ICE1: variants seen among roughly 807,000 people sequenced by gnomAD.
ICE1 encodes the protein little elongation complex subunit 1.
In ICE1, 64 loss-of-function variants were observed where a neutral mutation model predicts 192.7. The observed-to-expected ratio is 0.33, with a 90% confidence interval of 0.27 to 0.41. The LOEUF (loss-of-function observed/expected upper bound fraction) is 0.41. Among genes scored for constraint, ICE1 ranks in the 10% least tolerant of loss-of-function variants. ICE1 has a pLI of 1.00. For synonymous variants in ICE1, 1,010 were observed against 984.5 expected (o/e 1.03, Z -0.49); for missense variants, 2,708 against 2,696.0 (o/e 1.00, Z -0.10).
chr5:5,477,951 C>T (rs1739366296), intron 17 of ICE1, among the ~76,000 whole-genome samples: 1 of 152,206 alleles, frequency 6.6e-6, no homozygotes, highest in Non-Finnish European at 1.5e-5. Context: ...GCTAAAAACT[C>T]TCAAACTAGG....
chr5:5,458,488 C>T (rs1738651278), intron 12 of ICE1, among the ~76,000 whole-genome samples: 1 of 152,168 alleles, frequency 6.6e-6, no homozygotes, highest in African/African-American at 2.4e-5. Context: ...TAAAGAAAAG[C>T]AGCTCAGTCC....
chr5:5,429,986 A>T (rs928848178), intron 1 of ICE1, among the ~76,000 whole-genome samples: 5 of 152,246 alleles, frequency 3.3e-5, no homozygotes, highest in African/African-American at 1.2e-4. Flanking sequence ...TAGTTATGAG[A>T]GAAAAGAGGA....
rs573425978 is a variant in ICE1, at chr5:5,489,552, A to G, written c.*222A>G. On this transcript the variant is annotated 3_prime_UTR_variant, in exon 19 of 19. Transcript: ENST00000296564. ...ATACGTTTCACTTAAGGCTGTTGTG[A>G]TCTGTGACATATGGGTTATATTATT... 72 of 435,302 alleles carry G rather than the reference A, an allele frequency of 1.7e-4. No homozygotes were observed. The highest frequency in any genetic ancestry group is 2.6e-4 in the Non-Finnish European group (64 of 248,714). 27.0% of individuals were successfully genotyped at this position (435,302 alleles called of 1,614,324 possible). A position where few individuals can be genotyped will look rare whatever the true frequency, so the allele number is the denominator to read the frequency against.
Position 5,464,968 on chromosome 5 carries a change from T to C in ICE1, c.5634T>C (p.Ala1878=), listed in dbSNP as rs763314630. The C allele has an allele frequency of 6.2e-6, 10 of 1,613,756 alleles. No homozygotes were observed. The Admixed American group carries it at 1.7e-4, about 27-fold the overall frequency. ...ACCTCCCAGGGAACCTCCCTCCAGC[T>C]GAAGTTGCAACAACAAATGAGGAAA... ...HKNLPGNLPP[A]EVATTNEERS... is the part of the protein sequence containing the mutation. Residue 1878 remains alanine (A), a synonymous_variant, in exon 13 of 19, where the codon GCT becomes GCC. Coordinates refer to ENST00000296564, the MANE Select transcript of ICE1 (RefSeq NM_015325.3). The surrounding 1 kb of genome is among the most constrained non-coding windows in gnomAD (Gnocchi z 4.0).
intron 7 of ICE1, among the ~76,000 whole-genome samples, chr5:5,445,369 G>A (rs886638215): frequency 6.6e-6 from 1 of 152,050 alleles, no homozygotes; most frequent in Non-Finnish European, 1.5e-5. Context: ...TAAGAATATG[G>A]AGATAAGTGT....
chr5:5,465,716 C>A (rs569997634), intron 13 of ICE1, among the ~76,000 whole-genome samples: 17 of 152,162 alleles, frequency 1.1e-4, no homozygotes, highest in Non-Finnish European at 1.8e-4. Flanking sequence ...GCTTGGATGA[C>A]TTCTAGTGCT....
intron 1 of ICE1, among the ~76,000 whole-genome samples, chr5:5,426,273 C>T (rs1261420950): frequency 2.0e-5 from 3 of 152,066 alleles, no homozygotes; most frequent in Non-Finnish European, 4.4e-5. Context: ...GGTGAAACCC[C>T]GTCTCTACGA....
In ICE1 at chr5:5,462,417, G is replaced by T; in HGVS notation, c.3083G>T (p.Gly1028Val). ...ETSCGDTGRS[G>V]GEALAVANDS... is the part of the protein sequence containing the mutation. ...AGCTGTGGAGACACAGGGAGATCTG[G>T]TGGTGAGGCCCTGGCTGTTGCAAAT... The change falls in exon 13 of 19, where the codon GGT becomes GTT. Residue 1028 changes from glycine (G) to valine (V), a missense_variant. Around this residue, in one of 2 missense-constraint regions of ICE1, gnomAD observed 2,366 missense variants for 2,276.6 expected, o/e 1.04. Coordinates refer to ENST00000296564, the MANE Select transcript of ICE1 (RefSeq NM_015325.3). 6.2e-7 allele frequency: 1 copy of T among 1,614,056 alleles called. No homozygotes were observed. The highest frequency in any genetic ancestry group is 8.5e-7 in the Non-Finnish European group (1 of 1,179,888).
At chr5:5,479,388 A>G (rs888101043) in intron 17 of ICE1, among the ~76,000 whole-genome samples, 2 of 152,250 alleles carry the variant, frequency 1.3e-5, no homozygotes, top group Non-Finnish European at 2.9e-5. Flanking sequence ...CAAAACCACT[A>G]TGAGGTACCA....
chr5:5,439,568 C>T (rs533664823), intron 3 of ICE1, among the ~76,000 whole-genome samples: 6 of 152,198 alleles, frequency 3.9e-5, no homozygotes, highest in East Asian at 3.9e-4. Flanking sequence ...TTGGGGATTC[C>T]GCTATGTAGA....
At chr5:5,440,132 A>G (rs1332638601) in intron 4 of ICE1, among the ~76,000 whole-genome samples, 1 of 152,230 alleles carries the variant, frequency 6.6e-6, no homozygotes, top group African/African-American at 2.4e-5. Context: ...TTGAATTACA[A>G]CTGGGTGTTT....
chr5:5,460,668 T>C lies in ICE1; in HGVS notation c.1334T>C (p.Phe445Ser). 1.2e-6 allele frequency: 2 copies of C among 1,613,990 alleles called. No homozygotes were observed. The change falls in exon 13 of 19, where the codon TTC (phenylalanine) becomes TCC (serine). Residue 445 changes from phenylalanine to serine, a missense_variant. By Grantham distance (155) the Phe-to-Ser change is radical (BLOSUM62 -2). Around this residue, in one of 2 missense-constraint regions of ICE1, gnomAD observed 2,366 missense variants for 2,276.6 expected, o/e 1.04. Transcript: ENST00000296564. ...NKVTTSGLETFTATLRESSAT... is the reference protein window; with the variant it reads ...NKVTTSGLETSTATLRESSAT... ...GTGACAACTTCTGGACTCGAGACTT[T>C]CACAGCAACACTGAGAGAATCTTCT...
At chr5:5,443,062 T>C in intron 5 of ICE1, 106 bp from the exon 6 acceptor site, 1 of 621,080 alleles carries the variant, frequency 1.6e-6, no homozygotes, top group Non-Finnish European at 2.8e-6. Flanking sequence ...TTTTTCTGCC[T>C]AATGTCTGTT....
Position 5,480,249 on chromosome 5 carries a change from C to CTT in ICE1, c.6520+4187_6520+4188dup, listed in dbSNP as rs574170460. Among the ~76,000 whole-genome samples the CTT allele has an allele frequency of 5.8e-3, 758 of 129,888 alleles. 12 individuals are homozygous for CTT. The highest frequency in any genetic ancestry group is 0.033 in the East Asian group (145 of 4,368). 85.2% of individuals were successfully genotyped at this position (129,888 alleles called of 152,430 possible). A position where few individuals can be genotyped will look rare whatever the true frequency, so the allele number is the denominator to read the frequency against. ...TAAGTATCTTTGGATTTTTCTTTTT[C>CTT]TTTTTTTTTTTTTTTTTTGAGATGG... is the stretch of plus-strand genomic sequence containing the variant. On this transcript the variant is annotated intron_variant, in intron 17 of 18. Coordinates refer to ENST00000296564, the MANE Select transcript of ICE1 (RefSeq NM_015325.3).
intron 1 of ICE1, among the ~76,000 whole-genome samples, chr5:5,426,447 CAAAA>C (rs569904155): frequency 1.4e-5 from 1 of 69,120 alleles, no homozygotes. Context: ...GACTCCGTCT[CAAAA>C]AAAAAAAAAA....
intron 7 of ICE1, among the ~76,000 whole-genome samples, chr5:5,446,791 G>A (rs760873471): frequency 6.6e-6 from 1 of 152,148 alleles, no homozygotes; most frequent in Admixed American, 6.5e-5. Flanking sequence ...TTGTTACTGA[G>A]GTGTTTCATG....
intron 16 of ICE1, among the ~76,000 whole-genome samples, 188 bp from the exon 17 acceptor site, chr5:5,475,785 A>C (rs370727543): frequency 6.6e-6 from 1 of 152,224 alleles, no homozygotes; most frequent in South Asian, 2.1e-4. Flanking sequence ...AGCCACGTTT[A>C]AGCTAGCATG....
At chr5:5,439,312 A>G (rs923124739) in intron 3 of ICE1, among the ~76,000 whole-genome samples, 10 of 152,182 alleles carry the variant, frequency 6.6e-5, no homozygotes, top group African/African-American at 2.4e-4. Context: ...TATTGTGATA[A>G]AAATACAGGA....
intron 16 of ICE1, among the ~76,000 whole-genome samples, chr5:5,475,156 G>A (rs540878787): frequency 2.6e-5 from 4 of 152,232 alleles, no homozygotes; most frequent in African/African-American, 7.2e-5. Flanking sequence ...GCTGGTGCCC[G>A]TCAAAGATGC....
Sources: gnomAD v4.1 joint callset for allele counts (sites outside exome capture counted in the v4.1 genomes callset) on GRCh38, gnomAD v4.1.1 for gene constraint, gnomAD v4.1.1 regional missense constraint, Gnocchi (gnomAD v3.1) non-coding constraint, MANE v1.5 for transcripts, NCBI Gene and HGNC (gene_info 2026-07-23, HGNC 2026-07-21) for gene names.